The following ZNF717 variants were observed in gnomAD, a reference collection of about 807,000 sequenced individuals.
The protein encoded by ZNF717 is krueppel-like factor X17.
In ZNF717, 9 loss-of-function variants were observed where a neutral mutation model predicts 13.8. That is an observed-to-expected ratio of 0.65 (90% CI 0.39 to 1.14). The LOEUF (loss-of-function observed/expected upper bound fraction) is 1.14, where lower values mean the gene tolerates loss of function less well. ZNF717 is among the 50% of genes most tolerant of loss of function. The pLI, the probability that ZNF717 is intolerant of heterozygous loss-of-function variation, is 0.01. For missense variants in ZNF717, 1,040 were observed against 1,080.7 expected, an observed-to-expected ratio of 0.96 and a Z score of 0.53; for synonymous variants, 327 against 364.1, an observed-to-expected ratio of 0.90 and a Z score of 1.16.
Position 75,738,022 on chromosome 3 carries a change from G to T in ZNF717, c.1601C>A (p.Pro534Gln). The T allele has an allele frequency of 7.4e-7, 1 of 1,343,440 alleles. No individual in the cohort carries two copies. Among genetic ancestry groups the T allele is most frequent in the Non-Finnish European group, 9.9e-7 (1 of 1,007,048 alleles). 83.2% of individuals were successfully genotyped at this position (1,343,440 alleles called of 1,614,324 possible). A position where few individuals can be genotyped will look rare whatever the true frequency, so the allele number is the denominator to read the frequency against. ...TTTTCCACATTCGTTACATGCGTATGGTTTTTCCCCAGCATGAGTTCTCTG... is the reference window on the plus strand; with the variant it reads ...TTTTCCACATTCGTTACATGCGTATTGTTTTTCCCCAGCATGAGTTCTCTG... Reference protein sequence around the residue: ...VHQRTHAGEKPYACNECGKTY... With the variant: ...VHQRTHAGEKQYACNECGKTY... The change falls in exon 5 of 5, where the codon CCA becomes CAA. Residue 534 changes from proline (P) to glutamine (Q), a missense_variant. Physicochemically the swap from Pro to Gln is moderately conservative, Grantham distance 76 (BLOSUM62 -1). Transcript: ENST00000652011.
At chr3:75,756,404 A>T (rs755384672) in intron 2 of ZNF717, among the ~76,000 whole-genome samples, 5 of 152,252 alleles carry the variant, frequency 3.3e-5, no homozygotes, top group Non-Finnish European at 7.3e-5. Context: ...CTGCCACTTT[A>T]AACCAAAAGG....
intron 5 of ZNF717, among the ~76,000 whole-genome samples, chr3:75,712,999 C>T (rs1484505519): frequency 6.6e-6 from 1 of 151,920 alleles, no homozygotes; most frequent in Non-Finnish European, 1.5e-5. Flanking sequence ...GTAATCCCAG[C>T]ACTTTGGGAG....
intron 2 of ZNF717, among the ~76,000 whole-genome samples, chr3:75,780,655 C>T (rs1270114661): frequency 6.6e-6 from 1 of 152,378 alleles, no homozygotes; most frequent in East Asian, 1.9e-4. Flanking sequence ...CCACCTCGGC[C>T]TCCCAAAGTG....
intron 6 of ZNF717, among the ~76,000 whole-genome samples, chr3:75,703,996 C>A (rs1204905204): frequency 1.3e-5 from 2 of 152,280 alleles, no homozygotes; most frequent in African/African-American, 4.8e-5. Flanking sequence ...TATAAATGTC[C>A]TAGGAGTGTA....
intron 6 of ZNF717, among the ~76,000 whole-genome samples, chr3:75,702,674 T>C: frequency 6.6e-6 from 1 of 152,430 alleles, no homozygotes; most frequent in South Asian, 2.1e-4. Flanking sequence ...TACACCATTT[T>C]TTATTATGTA....
chr3:75,729,759 CTTTTTA>C (rs1421670466), downstream of ZNF717, among the ~76,000 whole-genome samples: 1 of 151,922 alleles, frequency 6.6e-6, no homozygotes, highest in Non-Finnish European at 1.5e-5. Flanking sequence ...AGACAAAAAG[CTTTTTA>C]TCTTGGAGCC....
intron 2 of ZNF717, among the ~76,000 whole-genome samples, chr3:75,754,434 T>G (rs1009535023): frequency 6.8e-6 from 1 of 146,632 alleles, no homozygotes; most frequent in Admixed American, 6.9e-5. Context: ...ATTTTTTTTT[T>G]AAACCTCTGG....
At chr3:75,730,364 A>C (rs78307922) in exon 6 of ZNF717, 1 of 393,600 alleles carries the variant, frequency 2.5e-6, no homozygotes, top group Non-Finnish European at 4.5e-6. Context: ...AAAAAAAAAA[A>C]AAGTAGAAAC....
chr3:75,712,420 C>G (rs1282577764), intron 5 of ZNF717, among the ~76,000 whole-genome samples: 1 of 152,092 alleles, frequency 6.6e-6, no homozygotes, highest in Non-Finnish European at 1.5e-5. Flanking sequence ...TTTTTAATGC[C>G]AAAGCTTAAT....
chr3:75,760,174 ATCC>A (rs1942860733), intron 2 of ZNF717, among the ~76,000 whole-genome samples: 1 of 73,678 alleles, frequency 1.4e-5, no homozygotes, highest in Non-Finnish European at 3.6e-5. Context: ...GATTACAGGC[ATCC>A]GCCACCACAC....
intron 6 of ZNF717, among the ~76,000 whole-genome samples, chr3:75,698,148 C>CAAAAAAA (rs61557684): frequency 2.9e-4 from 43 of 149,754 alleles, no homozygotes; most frequent in East Asian, 1.8e-3. Context: ...CATGTTCTAG[C>CAAAAAAA]AAAAAAAAAA....
chr3:75,739,085 G>T lies in ZNF717; in HGVS notation c.538C>A (p.Pro180Thr), dbSNP rs562699718. 5.1e-5 allele frequency: 79 copies of T among 1,551,572 alleles called. No homozygotes were observed. In the African/African-American group the frequency reaches 9.7e-4, roughly 19 times the overall value. Reference protein sequence around the residue: ...KPGETQSGEKPHVCDITRRSH... With the variant: ...KPGETQSGEKTHVCDITRRSH... The stretch of plus-strand genomic sequence containing the variant: ...CTCCTGGTTATATCACAGACATGAG[G>T]TTTCTCTCCAGACTGTGTCTCCCCA... The change falls in exon 5 of 5, where the codon CCT becomes ACT. Residue 180 changes from proline (P) to threonine (T), a missense_variant. Pro to Thr is a conservative substitution (Grantham distance 38). Transcript: ENST00000652011.
chr3:75,756,309 G>C (rs1942468526), intron 2 of ZNF717, among the ~76,000 whole-genome samples: 1 of 152,016 alleles, frequency 6.6e-6, no homozygotes, highest in African/African-American at 2.4e-5. Context: ...TTTTTCTCAG[G>C]CTTCTTTTTA....
downstream of ZNF717, among the ~76,000 whole-genome samples, chr3:75,708,761 A>G (rs1937863344): frequency 6.6e-6 from 1 of 152,222 alleles, no homozygotes. Context: ...GCCAATACAG[A>G]GAAGAGCATT....
chr3:75,733,787 A>AAAAAAAAAAAAAAAAAAT, downstream of ZNF717, among the ~76,000 whole-genome samples: 1 of 150,390 alleles, frequency 6.6e-6, no homozygotes, highest in African/African-American at 2.4e-5. Flanking sequence ...TCAAAAAAAA[A>AAAAAAAAAAAAAAAAAAT]AAAAAAAAAA....
exon 6 of ZNF717, chr3:75,730,403 G>A (rs1362447429): frequency 1.5e-5 from 7 of 473,536 alleles, no homozygotes; most frequent in Non-Finnish European, 1.8e-5. Flanking sequence ...GCTGTGCAAA[G>A]GGTAAAAAGG....
chr3:75,705,318 A>C (rs1937782502), downstream of ZNF717, among the ~76,000 whole-genome samples: 1 of 152,308 alleles, frequency 6.6e-6, no homozygotes, highest in African/African-American at 2.4e-5. Flanking sequence ...AGTGGGAGGA[A>C]ATACATTATA....
At chr3:75,697,869 G>T (rs1326267615) in intron 6 of ZNF717, among the ~76,000 whole-genome samples, 107 of 150,174 alleles carry the variant, frequency 7.1e-4, no homozygotes, top group Non-Finnish European at 1.2e-3. Flanking sequence ...TTAGAGACTG[G>T]TTGAATGGCT....
At chr3:75,770,240 C>T (rs150228939) in intron 2 of ZNF717, among the ~76,000 whole-genome samples, 17 of 152,338 alleles carry the variant, frequency 1.1e-4, no homozygotes, top group African/African-American at 4.1e-4. Context: ...AGCTCTTCTC[C>T]TGTATTCAGA....
Sources: allele counts gnomAD v4.1 joint callset (sites outside exome capture counted in the v4.1 genomes callset), GRCh38; gene constraint gnomAD v4.1.1; transcripts MANE v1.5; gene names NCBI Gene and HGNC (gene_info 2026-07-23, HGNC 2026-07-21).